Variants in LPP observed in about 807,000 individuals in gnomAD.
LPP encodes the protein LIM domain containing preferred translocation partner in lipoma, also known as lipoma-preferred partner.
LPP carries 38 observed loss-of-function variants against 60.4 expected under a neutral mutation model. The ratio of observed to expected loss-of-function variants is 0.63; its 90% CI spans 0.49 to 0.83. LPP has a LOEUF of 0.83. Ranked by LOEUF, LPP falls within the 40% of genes least tolerant of loss-of-function variation. The pLI, the probability that LPP is intolerant of heterozygous loss-of-function variation, is 0.00. For missense variants in LPP, 902 were observed against 783.6 expected (o/e 1.15, Z -1.80); for synonymous variants, 328 against 290.8 (o/e 1.13, Z -1.30).
chr3:188,865,183 A>G (rs1277311538), intron 9 of LPP, among the ~76,000 whole-genome samples: 3 of 152,232 alleles, frequency 2.0e-5, no homozygotes, highest in African/African-American at 7.2e-5. Context: ...TTGTTTGCTA[A>G]GAGCATGGAA....
At chr3:188,663,769 A>G (rs1855131334) in intron 7 of LPP, among the ~76,000 whole-genome samples, 1 of 152,130 alleles carries the variant, frequency 6.6e-6, no homozygotes, top group Non-Finnish European at 1.5e-5. Flanking sequence ...TTGGTGGGGT[A>G]GGGATGGCTT....
rs147365178 is a variant in LPP, at chr3:188,742,701, T to C, written c.1241-17412T>C. On this transcript the variant is annotated intron_variant, in intron 8 of 11. Coordinates refer to ENST00000617246, the MANE Select transcript of LPP (RefSeq NM_001375462.1). ...ATGGGGACTGACAAATAGGGAACTTTTTGGGGTGATGGAAATGTTCCAGAT... is the reference window on the plus strand; with the variant it reads ...ATGGGGACTGACAAATAGGGAACTTCTTGGGGTGATGGAAATGTTCCAGAT... Among the ~76,000 whole-genome samples, 336 of 152,152 alleles carry C rather than the reference T, an allele frequency of 2.2e-3. 1 individual carries two copies. Among genetic ancestry groups the C allele is most frequent in the African/African-American group, 7.6e-3 (315 of 41,534 alleles).
chr3:188,582,161 T>C (rs1437301312), intron 6 of LPP, among the ~76,000 whole-genome samples: 3 of 92,602 alleles, frequency 3.2e-5, no homozygotes, highest in Non-Finnish European at 4.0e-5. Context: ...TTTCTTTTTT[T>C]TTTTTTTTTT....
At chr3:188,669,211 A>G (rs371242076) in intron 7 of LPP, among the ~76,000 whole-genome samples, 2 of 152,254 alleles carry the variant, frequency 1.3e-5, no homozygotes, top group African/African-American at 4.8e-5. Flanking sequence ...GGTAATCAAG[A>G]GTCTTATTTA....
chr3:188,464,756 A>G (rs1799947320), intron 4 of LPP, among the ~76,000 whole-genome samples: 1 of 152,134 alleles, frequency 6.6e-6, no homozygotes, highest in Non-Finnish European at 1.5e-5. Flanking sequence ...ATAACACAGC[A>G]CCTTAAGTAT....
In LPP at chr3:188,537,681, T is replaced by A. The variant is rs1187787751; in HGVS notation, c.429+12894T>A. On this transcript the variant is annotated intron_variant, in intron 6 of 11. Transcript: ENST00000617246. ...ATTGTTAAGTGGGATACTCCCCAAT[T>A]TGATATATAGATGCAAAGCAATCCC... Among the ~76,000 whole-genome samples, 3 of 152,214 alleles carry A rather than the reference T, an allele frequency of 2.0e-5. No homozygotes were observed. The East Asian group carries it at 5.8e-4, about 29-fold the overall frequency.
At chr3:188,223,997 A>T (rs1716779358) in intron 1 of LPP, among the ~76,000 whole-genome samples, 1 of 152,122 alleles carries the variant, frequency 6.6e-6, no homozygotes, top group Admixed American at 6.5e-5. Context: ...TTGCCTACTT[A>T]ATTTCTGTCT....
chr3:188,562,334 T>C (rs1830927586), intron 6 of LPP: 1 of 152,054 alleles, frequency 6.6e-6, no homozygotes, highest in Non-Finnish European at 1.5e-5. Context: ...ACGTGACTTT[T>C]GATATATTCA....
chr3:188,781,849 G>C (rs1739838698), intron 9 of LPP, among the ~76,000 whole-genome samples: 1 of 148,092 alleles, frequency 6.8e-6, no homozygotes, highest in Admixed American at 6.8e-5. Flanking sequence ...CTGAGATCAT[G>C]CCACTGCACT....
At chr3:188,785,850 G>C (rs1267402149) in intron 9 of LPP, among the ~76,000 whole-genome samples, 1 of 151,760 alleles carries the variant, frequency 6.6e-6, no homozygotes, top group Non-Finnish European at 1.5e-5. Flanking sequence ...TTGCTGTTTT[G>C]TATTCTCCCT....
intron 1 of LPP, among the ~76,000 whole-genome samples, chr3:188,155,664 C>T (rs534833584): frequency 6.6e-6 from 1 of 152,254 alleles, no homozygotes; most frequent in African/African-American, 2.4e-5. Context: ...TTCTCCACTT[C>T]GTCACCAGTT....
rs998716985 is a variant in LPP, at chr3:188,625,007, T to C, written c.1113+15163T>C. Among the ~76,000 whole-genome samples the C allele has an allele frequency of 1.1e-4, 17 of 152,152 alleles. No homozygotes were observed. In the East Asian group the frequency reaches 3.3e-3, roughly 29 times the overall value. On this transcript the variant is annotated intron_variant, in intron 7 of 11. Coordinates refer to ENST00000617246, the MANE Select transcript of LPP (RefSeq NM_001375462.1). The stretch of plus-strand genomic sequence containing the variant: ...GCAAGATGTTATCATGTGAGGGAAG[T>C]CTTAGGTTTCTATATCCCTTTATTC...
At chr3:188,500,446 A>T (rs966193512) in intron 5 of LPP, among the ~76,000 whole-genome samples, 1 of 152,160 alleles carries the variant, frequency 6.6e-6, no homozygotes, top group African/African-American at 2.4e-5. Context: ...GCCATGATAT[A>T]TCAAACTTGT....
chr3:188,795,385 A>C (rs1296842823), intron 9 of LPP, among the ~76,000 whole-genome samples: 2 of 152,172 alleles, frequency 1.3e-5, no homozygotes, highest in Non-Finnish European at 2.9e-5. Context: ...TCCACGTGGG[A>C]TTCAGAGACT....
intron 3 of LPP, among the ~76,000 whole-genome samples, chr3:188,392,476 A>G (rs899241490): frequency 6.6e-6 from 1 of 152,152 alleles, no homozygotes; most frequent in Non-Finnish European, 1.5e-5. Flanking sequence ...TCACCAGCCA[A>G]ATACAAGTTT....
intron 9 of LPP, among the ~76,000 whole-genome samples, chr3:188,804,642 C>T (rs1748522841): frequency 1.3e-5 from 2 of 151,956 alleles, no homozygotes; most frequent in African/African-American, 4.8e-5. Flanking sequence ...ATTACATTTT[C>T]TGTGAGTAGA....
chr3:188,349,543 C>T (rs1174294396), intron 3 of LPP, among the ~76,000 whole-genome samples: 3 of 152,218 alleles, frequency 2.0e-5, no homozygotes, highest in East Asian at 1.9e-4. Flanking sequence ...AGTTACACAG[C>T]GCTGTCTCAT....
chr3:188,251,658 G>A (rs544046361), intron 2 of LPP, among the ~76,000 whole-genome samples: 9 of 152,152 alleles, frequency 5.9e-5, no homozygotes, highest in Middle Eastern at 3.4e-3. Context: ...AAAGAGTTGA[G>A]GATTTGCTTA....
chr3:188,618,217 CTT>C (rs1272835104), intron 7 of LPP, among the ~76,000 whole-genome samples: 2 of 152,134 alleles, frequency 1.3e-5, no homozygotes, highest in Non-Finnish European at 2.9e-5. Context: ...TAGAAGTACT[CTT>C]AACAAATGAT....
Sources: gnomAD v4.1 joint callset for allele counts (sites outside exome capture counted in the v4.1 genomes callset) on GRCh38, gnomAD v4.1.1 for gene constraint, MANE v1.5 for transcripts, NCBI Gene and HGNC (gene_info 2026-07-23, HGNC 2026-07-21) for gene names.